The following MCPH1 variants were observed in gnomAD, a reference collection of about 807,000 sequenced individuals.
MCPH1 encodes microcephalin.
MCPH1 carries 104 observed loss-of-function variants against 84.5 expected under a neutral mutation model. That is an observed-to-expected ratio of 1.23 (90% confidence interval 1.05 to 1.45). MCPH1 has a LOEUF of 1.45. Among genes scored for constraint, MCPH1 ranks in the 40% most tolerant of loss-of-function variants. The probability of loss-of-function intolerance (pLI) is 0.00; values close to 1 mark genes in which losing one functional copy is unlikely to be tolerated. For synonymous variants in MCPH1, 514 were observed against 366.8 expected (o/e 1.40, Z -4.58); for missense variants, 1,498 against 1,005.7 (o/e 1.49, Z -6.62).
chr8:6,436,390 G>A (rs1351143583), intron 5 of MCPH1, among the ~76,000 whole-genome samples: 2 of 152,206 alleles, frequency 1.3e-5, no homozygotes, highest in Non-Finnish European at 2.9e-5. Flanking sequence ...ATTCATCAAG[G>A]TGGTCGAACT....
In MCPH1 at chr8:6,611,115, C is replaced by G. The variant is rs990407347; in HGVS notation, c.2215-10339C>G. On this transcript the variant is annotated intron_variant, in intron 12 of 13. Transcript: ENST00000344683. ...CTACACACACACATACACACACACT[C>G]TCTCACACACACACTCACACACACA... 4.2e-5 allele frequency among the ~76,000 whole-genome samples: 6 copies of G among 141,550 alleles called. No individual in the cohort carries two copies. In the South Asian group the frequency reaches 8.6e-4, roughly 20 times the overall value. The allele number at this position is 141,550 out of a possible 152,430, so 92.9% of individuals were successfully genotyped here.
intron 12 of MCPH1, among the ~76,000 whole-genome samples, chr8:6,505,481 AATATATATATTCTTT>A (rs1813360747): frequency 1.6e-5 from 1 of 63,528 alleles, no homozygotes; most frequent in Non-Finnish European, 3.4e-5. Flanking sequence ...ACATATATAG[AATATATATATTCTTT>A]ATATATGTAT....
intron 12 of MCPH1, among the ~76,000 whole-genome samples, chr8:6,513,177 A>G (rs1011748157): frequency 2.0e-5 from 3 of 152,236 alleles, no homozygotes; most frequent in African/African-American, 7.2e-5. Context: ...TACTGTTTGT[A>G]TGAAGTTTCT....
intron 12 of MCPH1, among the ~76,000 whole-genome samples, chr8:6,576,078 A>T (rs1420103680): frequency 6.6e-6 from 1 of 150,710 alleles, no homozygotes; most frequent in Non-Finnish European, 1.5e-5. Context: ...AGTAATAGGA[A>T]AGGAATTAAA....
At chr8:6,623,359 T>G (rs1003553811) in intron 13 of MCPH1, among the ~76,000 whole-genome samples, 1 of 151,360 alleles carries the variant, frequency 6.6e-6, no homozygotes, top group Non-Finnish European at 1.5e-5. Context: ...TCTCAATCTC[T>G]CTCTCTCTCT....
rs538128891 is a variant in MCPH1 at position 6,513,095 on chromosome 8, A to G, written c.2214+13166A>G. Among the ~76,000 whole-genome samples the G allele has an allele frequency of 2.0e-5, 3 of 152,342 alleles. No individual in the cohort carries two copies. In the East Asian group the frequency reaches 5.8e-4, roughly 29 times the overall value. ...CTATTCACTGATTTTACAAATACCT[A>G]TGAAAGCCAATTATCTACCAGGCAG... On this transcript the variant is annotated intron_variant, in intron 12 of 13. Coordinates refer to ENST00000344683, the MANE Select transcript of MCPH1 (RefSeq NM_024596.5).
intron 3 of MCPH1, among the ~76,000 whole-genome samples, chr8:6,421,327 C>G (rs1800164505): frequency 6.6e-6 from 1 of 152,138 alleles, no homozygotes; most frequent in African/African-American, 2.4e-5. Flanking sequence ...TGAGCTATCA[C>G]CCAACATTCC....
chr8:6,523,492 T>C (rs1817742696), intron 12 of MCPH1, among the ~76,000 whole-genome samples: 1 of 152,176 alleles, frequency 6.6e-6, no homozygotes, highest in Non-Finnish European at 1.5e-5. Flanking sequence ...AGGAAACAAA[T>C]CCAAGAGAGT....
intron 12 of MCPH1, among the ~76,000 whole-genome samples, chr8:6,532,104 G>T (rs1157468262): frequency 6.6e-6 from 1 of 152,204 alleles, no homozygotes; most frequent in African/African-American, 2.4e-5. Context: ...CATGTCTTCA[G>T]TAGATAGAAC....
chr8:6,567,366 C>G (rs186260497), intron 12 of MCPH1, among the ~76,000 whole-genome samples: 1 of 152,080 alleles, frequency 6.6e-6, no homozygotes, highest in African/African-American at 2.4e-5. Context: ...CATGTTTGAT[C>G]GGCAAGGCCA....
chr8:6,407,605 A>T (rs1053827008), intron 1 of MCPH1, among the ~76,000 whole-genome samples: 5 of 152,216 alleles, frequency 3.3e-5, no homozygotes, highest in African/African-American at 1.2e-4. Flanking sequence ...TCATAGCCAA[A>T]AGTAAAGACT....
rs535404566 is a variant in MCPH1 at position 6,553,974 on chromosome 8, G to A, written c.2214+54045G>A. On this transcript the variant is annotated intron_variant, in intron 12 of 13. Transcript: ENST00000344683. ...CTTCTGTGTGTAGCATGTCCAGTTG[G>A]ATACTGTTAGTGACATAGAGAGACG... Among the ~76,000 whole-genome samples, 45 of 152,086 alleles carry A rather than the reference G, an allele frequency of 3.0e-4. 1 individual carries two copies. The highest frequency in any genetic ancestry group is 1.1e-3 in the African/African-American group (44 of 41,472).
chr8:6,407,992 T>G (rs965157976), intron 1 of MCPH1, among the ~76,000 whole-genome samples: 5 of 152,276 alleles, frequency 3.3e-5, no homozygotes, highest in African/African-American at 1.2e-4. Flanking sequence ...TGGTTATGTT[T>G]GTGCCACAAC....
intron 13 of MCPH1, chr8:6,627,342 C>T (rs568461263): frequency 2.5e-5 from 24 of 952,840 alleles, no homozygotes; most frequent in East Asian, 1.2e-4. Context: ...AGAGTGAGGA[C>T]GGGGACTGCC....
rs534077776 is a variant in MCPH1, at chr8:6,565,282, C to G, written c.2215-56172C>G. 1.2e-4 allele frequency among the ~76,000 whole-genome samples: 18 copies of G among 152,340 alleles called. No individual in the cohort carries two copies. The South Asian group carries it at 3.5e-3, about 30-fold the overall frequency. ...CAGGCATGCTCCATTAAATGGGGAT[C>G]AGTTCTTCCACCATCAAATAGTATA... On this transcript the variant is annotated intron_variant, in intron 12 of 13. Coordinates refer to ENST00000344683, the MANE Select transcript of MCPH1 (RefSeq NM_024596.5).
At chr8:6,482,032 C>A (rs1586032579) in intron 11 of MCPH1, among the ~76,000 whole-genome samples, 2 of 152,184 alleles carry the variant, frequency 1.3e-5, no homozygotes, top group Admixed American at 6.5e-5. Flanking sequence ...TTCAGTCCAG[C>A]CTGTGCATGG....
At chr8:6,639,630 T>G (rs942988764) in intron 13 of MCPH1, among the ~76,000 whole-genome samples, 17 of 150,652 alleles carry the variant, frequency 1.1e-4, no homozygotes, top group Middle Eastern at 3.2e-3. Flanking sequence ...ACCACTGCAC[T>G]CCAGTCTGGG....
At chr8:6,491,368 GTTTC>G (rs1325732380) in intron 11 of MCPH1, among the ~76,000 whole-genome samples, 7 of 132,664 alleles carry the variant, frequency 5.3e-5, no homozygotes, top group East Asian at 4.2e-4. Context: ...AGAGTCTATG[GTTTC>G]TTTCTTTTTT....
intron 3 of MCPH1, among the ~76,000 whole-genome samples, chr8:6,427,709 G>A (rs1801257708): frequency 1.3e-5 from 2 of 151,478 alleles, no homozygotes; most frequent in African/African-American, 4.9e-5. Flanking sequence ...CTATCTCTCT[G>A]TTACTTGTGG....
Sources: gnomAD v4.1 joint callset for allele counts (sites outside exome capture counted in the v4.1 genomes callset) on GRCh38, gnomAD v4.1.1 for gene constraint, MANE v1.5 for transcripts, NCBI Gene and HGNC (gene_info 2026-07-23, HGNC 2026-07-21) for gene names.